The following RFX4 variants were observed in gnomAD, a reference collection of about 807,000 sequenced individuals.
RFX4 encodes transcription factor RFX4.
RFX4 carries 10 observed loss-of-function variants against 95.0 expected under a neutral mutation model. The ratio of observed to expected loss-of-function variants is 0.11; its 90% confidence interval spans 0.06 to 0.18. RFX4 has a LOEUF of 0.18. RFX4 is among the 10% of genes least tolerant of loss of function. The pLI is 1.00. For missense variants in RFX4, 640 were observed against 922.0 expected (o/e 0.69, Z 3.96); for synonymous variants, 321 against 340.7 (o/e 0.94, Z 0.64).
intron 3 of RFX4, among the ~76,000 whole-genome samples, chr12:106,641,903 A>C (rs765105717): frequency 3.3e-5 from 5 of 152,136 alleles, no homozygotes; most frequent in African/African-American, 7.2e-5. Flanking sequence ...CAAGAAGAGG[A>C]GCTGATGACA....
At chr12:106,698,467 G>A (rs2041924816) in intron 8 of RFX4, among the ~76,000 whole-genome samples, 2 of 152,098 alleles carry the variant, frequency 1.3e-5, no homozygotes, top group African/African-American at 4.8e-5. Context: ...AATTTGTAGA[G>A]ATAGGGTCTC....
intron 1 of RFX4, among the ~76,000 whole-genome samples, chr12:106,600,415 G>A (rs979145295): frequency 6.6e-6 from 1 of 151,534 alleles, no homozygotes; most frequent in African/African-American, 2.4e-5. Context: ...GGCACTCTTG[G>A]TAATTGCATC....
At chr12:106,604,621 C>T (rs1382621696) in intron 1 of RFX4, among the ~76,000 whole-genome samples, 6 of 151,502 alleles carry the variant, frequency 4.0e-5, no homozygotes, top group Admixed American at 3.9e-4. Flanking sequence ...CATTCTTTGA[C>T]ATGTGTGTCA....
At chr12:106,721,105 A>G (rs2137530810) in intron 13 of RFX4, among the ~76,000 whole-genome samples, 1 of 152,248 alleles carries the variant, frequency 6.6e-6, no homozygotes, top group South Asian at 2.1e-4. Context: ...AGATAGTACT[A>G]TCTGAGCTTA....
intron 17 of RFX4, among the ~76,000 whole-genome samples, chr12:106,751,896 A>C (rs1314132793): frequency 6.8e-6 from 1 of 147,560 alleles, no homozygotes; most frequent in Non-Finnish European, 1.5e-5. Flanking sequence ...TTGCCTGTTC[A>C]CTCTGATGGT....
intron 1 of RFX4, among the ~76,000 whole-genome samples, chr12:106,587,987 A>T (rs1305460222): frequency 6.6e-6 from 1 of 152,160 alleles, no homozygotes; most frequent in Non-Finnish European, 1.5e-5. Flanking sequence ...GCTTTCCAAG[A>T]TTATTTTTAA....
At chr12:106,612,885 T>C (rs374344420) in intron 2 of RFX4, among the ~76,000 whole-genome samples, 1 of 152,096 alleles carries the variant, frequency 6.6e-6, no homozygotes, top group Non-Finnish European at 1.5e-5. Flanking sequence ...ATAACTTTAC[T>C]TCCTTTTTAT....
Position 106,681,705 on chromosome 12 carries a change from G to T in RFX4, c.316-288G>T, listed in dbSNP as rs572373382. The stretch of plus-strand genomic sequence containing the variant: ...AGCCACTGGAGGGTTTTAAACAGGG[G>T]AGAGGCAGGTTCTGGACCAACCAGA... On this transcript the variant is annotated intron_variant, in intron 4 of 17. Transcript: ENST00000392842. 3.3e-5 allele frequency among the ~76,000 whole-genome samples: 5 copies of T among 152,272 alleles called. No homozygotes were observed. The East Asian group carries it at 5.8e-4, about 18-fold the overall frequency.
At chr12:106,636,109 T>C (rs1209405123) in intron 2 of RFX4, among the ~76,000 whole-genome samples, 2 of 151,870 alleles carry the variant, frequency 1.3e-5, no homozygotes, top group Non-Finnish European at 2.9e-5. Flanking sequence ...TCTCACTGAG[T>C]TTATGCTTGA....
intron 2 of RFX4, among the ~76,000 whole-genome samples, chr12:106,625,052 C>T (rs906246943): frequency 6.6e-6 from 1 of 152,112 alleles, no homozygotes; most frequent in Admixed American, 6.5e-5. Context: ...GGAGACTATT[C>T]AGTTTGTTAG....
intron 2 of RFX4, among the ~76,000 whole-genome samples, chr12:106,615,969 T>G (rs575524499): frequency 6.6e-6 from 1 of 152,350 alleles, no homozygotes; most frequent in East Asian, 1.9e-4. Flanking sequence ...GTGTGTCTTA[T>G]GTACTGGCTG....
intron 4 of RFX4, among the ~76,000 whole-genome samples, chr12:106,664,686 A>G (rs983188513): frequency 6.6e-6 from 1 of 151,862 alleles, no homozygotes; most frequent in African/African-American, 2.4e-5. Context: ...TCAGTGTGAT[A>G]AATTTTCCTC....
intron 17 of RFX4, among the ~76,000 whole-genome samples, chr12:106,759,982 T>A (rs2136108309): frequency 6.6e-6 from 1 of 152,274 alleles, no homozygotes; most frequent in East Asian, 1.9e-4. Flanking sequence ...CAGTTCCCTG[T>A]AGCCACCTAG....
chr12:106,669,439 C>T (rs547697176), intron 4 of RFX4, among the ~76,000 whole-genome samples: 8 of 152,268 alleles, frequency 5.3e-5, no homozygotes, highest in East Asian at 1.9e-4. Context: ...CCTTTCTCCT[C>T]GCTGACCATC....
intron 5 of RFX4, chr12:106,684,873 T>C (rs770058650): frequency 1.2e-6 from 2 of 1,604,154 alleles, no homozygotes; most frequent in Non-Finnish European, 1.7e-6. Context: ...TTCAGATAGA[T>C]TCGAGATGCC....
At chr12:106,753,832 G>T (rs547513054) in intron 17 of RFX4, among the ~76,000 whole-genome samples, 1 of 152,188 alleles carries the variant, frequency 6.6e-6, no homozygotes, top group Non-Finnish European at 1.5e-5. Context: ...TGCTGAGCAC[G>T]CTCACTCTAT....
intron 2 of RFX4, among the ~76,000 whole-genome samples, chr12:106,616,093 G>A (rs1055828944): frequency 6.6e-6 from 1 of 152,016 alleles, no homozygotes; most frequent in Non-Finnish European, 1.5e-5. Flanking sequence ...TGTTTGCTGT[G>A]GATTTTTGTA....
chr12:106,697,866 G>T (rs770130332), intron 8 of RFX4, among the ~76,000 whole-genome samples: 1 of 152,090 alleles, frequency 6.6e-6, no homozygotes, highest in East Asian at 1.9e-4. Flanking sequence ...CTGACCTTAA[G>T]GGGAAAGCAT....
At chr12:106,601,796 C>T (rs2039716976) in intron 1 of RFX4, among the ~76,000 whole-genome samples, 1 of 152,216 alleles carries the variant, frequency 6.6e-6, no homozygotes, top group African/African-American at 2.4e-5. Context: ...AGTCACAGGT[C>T]GGCGAACTCT....
Sources: allele counts gnomAD v4.1 joint callset (sites outside exome capture counted in the v4.1 genomes callset), GRCh38; gene constraint gnomAD v4.1.1; transcripts MANE v1.5; gene names NCBI Gene and HGNC (gene_info 2026-07-23, HGNC 2026-07-21).